The following IPP variants were observed in gnomAD, a reference collection of about 807,000 sequenced individuals.
The protein encoded by IPP is intracisternal A particle-promoted polypeptide.
In IPP, 41 loss-of-function variants were observed where a neutral mutation model predicts 64.1. That is an observed-to-expected ratio of 0.64 (90% CI 0.50 to 0.83). The LOEUF (loss-of-function observed/expected upper bound fraction) is 0.83, where lower values mean the gene tolerates loss of function less well. IPP is among the 40% of genes least tolerant of loss of function. The pLI, the probability that IPP is intolerant of heterozygous loss-of-function variation, is 0.00. For missense variants in IPP, 649 were observed against 703.0 expected (o/e 0.92, Z 0.87); for synonymous variants, 214 against 235.2 (o/e 0.91, Z 0.83).
chr1:45,746,660 C>G (rs933856995), intron 1 of IPP, among the ~76,000 whole-genome samples, 199 bp from the exon 2 acceptor site: 4 of 152,050 alleles, frequency 2.6e-5, no homozygotes, highest in African/African-American at 9.7e-5. Flanking sequence ...TTGGAGAATG[C>G]TTCACACAAG....
intron 7 of IPP, among the ~76,000 whole-genome samples, chr1:45,715,571 G>T (rs1645647308): frequency 6.6e-6 from 1 of 151,566 alleles, no homozygotes; most frequent in South Asian, 2.1e-4. Flanking sequence ...AACCCGGGAG[G>T]CAGAGCTTGC....
In IPP at chr1:45,740,975, T is replaced by C. The variant is rs778981073; in HGVS notation, c.650A>G (p.Lys217Arg). ...TGGGTCTAGCACTTCCACCACATGT[T>C]TTCTTCTTTTTCCCAAATCTTTCAG... ...WILKDLGKRRKHVVEVLDPIR... is the reference protein window; with the variant it reads ...WILKDLGKRRRHVVEVLDPIR... Residue 217 changes from lysine to arginine, a missense_variant, in exon 3 of 9, where the codon AAA (lysine) becomes AGA (arginine). Lys to Arg is a conservative substitution (Grantham distance 26, BLOSUM62 2). Coordinates refer to ENST00000396478, the MANE Select transcript of IPP (RefSeq NM_005897.3). 7.9e-5 allele frequency: 127 copies of C among 1,613,750 alleles called. No homozygotes were observed. Among genetic ancestry groups the C allele is most frequent in the Non-Finnish European group, 1.0e-4 (121 of 1,179,896 alleles).
intron 6 of IPP, 78 bp downstream of exon 6, chr1:45,719,125 C>T: frequency 1.5e-6 from 2 of 1,359,976 alleles, no homozygotes; most frequent in Non-Finnish European, 2.1e-6. Flanking sequence ...ATATATATAC[C>T]TATTATGTAT....
intron 8 of IPP, among the ~76,000 whole-genome samples, chr1:45,707,140 T>C (rs1205125240): frequency 2.0e-5 from 3 of 152,212 alleles, no homozygotes; most frequent in Non-Finnish European, 4.4e-5. Flanking sequence ...GAAAAGACTT[T>C]AGGCTGGGCA....
Position 45,746,397 on chromosome 1 carries a change from G to C in IPP, c.15C>G (p.Asp5Glu), listed in dbSNP as rs1339093895. 6.2e-7 allele frequency: 1 copy of C among 1,609,748 alleles called. No homozygotes were observed. Among genetic ancestry groups the C allele is most frequent in the Non-Finnish European group, 8.5e-7 (1 of 1,176,252 alleles). The part of the protein sequence containing the change: MANE[D>E]CPKAADSPFS... ...AAGGACTATCAGCAGCCTTGGGACAGTCCTCATTAGCCATGATGACGGTAG... is the reference window on the plus strand; with the variant it reads ...AAGGACTATCAGCAGCCTTGGGACACTCCTCATTAGCCATGATGACGGTAG... The change falls in exon 2 of 9, where the codon GAC (aspartate) becomes GAG (glutamate). Residue 5 changes from aspartate (D) to glutamate (E), a missense_variant. Asp to Glu is a conservative substitution (Grantham distance 45). Coordinates refer to ENST00000396478, the MANE Select transcript of IPP (RefSeq NM_005897.3).
At chr1:45,714,080 A>G (rs764883392) in intron 8 of IPP, among the ~76,000 whole-genome samples, 166 bp downstream of exon 8, 2 of 152,212 alleles carry the variant, frequency 1.3e-5, no homozygotes, top group African/African-American at 2.4e-5. Flanking sequence ...GAAAATTGAC[A>G]ATAGAAGAAA....
intron 8 of IPP, among the ~76,000 whole-genome samples, chr1:45,705,797 C>T (rs891807033): frequency 1.0e-4 from 15 of 148,678 alleles, no homozygotes. Flanking sequence ...CAGAGTGAGA[C>T]ATCGTCTCAA....
chr1:45,709,565 C>A (rs187043895), intron 8 of IPP, among the ~76,000 whole-genome samples: 1 of 151,382 alleles, frequency 6.6e-6, no homozygotes, highest in East Asian at 2.0e-4. Context: ...ACATTCTCAA[C>A]TGGGCACGGT....
chr1:45,699,712 G>A lies in IPP; in HGVS notation c.*254C>T. ...GGATCTCATTCTGTTGCCCAGAGTGGAGTGCAGTGGCATGATCGTAGCTTA... is the reference window on the plus strand; with the variant it reads ...GGATCTCATTCTGTTGCCCAGAGTGAAGTGCAGTGGCATGATCGTAGCTTA... On this transcript the variant is annotated 3_prime_UTR_variant, in exon 9 of 9. Coordinates refer to ENST00000396478, the MANE Select transcript of IPP (RefSeq NM_005897.3). The A allele has an allele frequency of 3.5e-6, 4 of 1,133,450 alleles. No individual in the cohort carries two copies. Among genetic ancestry groups the A allele is most frequent in the Non-Finnish European group, 4.5e-6 (4 of 882,404 alleles). 70.2% of individuals were successfully genotyped at this position (1,133,450 alleles called of 1,614,324 possible).
At chr1:45,707,885 A>G (rs992236939) in intron 8 of IPP, among the ~76,000 whole-genome samples, 2 of 152,124 alleles carry the variant, frequency 1.3e-5, no homozygotes, top group Non-Finnish European at 2.9e-5. Context: ...AACAAAAATA[A>G]CAAGGCACAT....
chr1:45,698,965 T>C lies in IPP; in HGVS notation c.*1001A>G, dbSNP rs1450892318. On this transcript the variant is annotated 3_prime_UTR_variant, in exon 9 of 9. Coordinates refer to ENST00000396478, the MANE Select transcript of IPP (RefSeq NM_005897.3). ...TCGAACTCCTGAGTTCAAGCCATCT[T>C]CCCGTCTCACCTCGGCCTCTCAAAG... The C allele has an allele frequency of 8.6e-6, 7 of 811,210 alleles. No homozygotes were observed. The highest frequency in any genetic ancestry group is 1.0e-5 in the Non-Finnish European group (7 of 671,096). The allele number at this position is 811,210 out of a possible 1,614,324, so 50.3% of individuals were successfully genotyped here.
At chr1:45,730,294 G>A (rs929561334) in intron 3 of IPP, among the ~76,000 whole-genome samples, 4 of 151,994 alleles carry the variant, frequency 2.6e-5, no homozygotes, top group African/African-American at 9.7e-5. Flanking sequence ...AGAGTTTGCA[G>A]TGAAGCAGGA....
At chr1:45,712,628 C>A (rs1645605550) in intron 8 of IPP, among the ~76,000 whole-genome samples, 1 of 151,652 alleles carries the variant, frequency 6.6e-6, no homozygotes, top group Non-Finnish European at 1.5e-5. Flanking sequence ...GAGGCCGAGG[C>A]AGGAAGATCA....
In IPP at chr1:45,737,691, C is replaced by T. The variant is rs151253100; in HGVS notation, c.724+3210G>A. Among the ~76,000 whole-genome samples the T allele has an allele frequency of 6.8e-3, 1,034 of 152,190 alleles. 11 individuals are homozygous for T. The highest frequency in any genetic ancestry group is 0.024 in the African/African-American group (995 of 41,522). ...CCCAGGCTGGTCTTGAACTCCTAGG[C>T]TCAAGTGATCTGCCCACCTCATCCT... On this transcript the variant is annotated intron_variant, in intron 3 of 8. Coordinates refer to ENST00000396478, the MANE Select transcript of IPP (RefSeq NM_005897.3).
At chr1:45,718,399 ATG>A (rs976815614) in intron 6 of IPP, among the ~76,000 whole-genome samples, 8 of 152,234 alleles carry the variant, frequency 5.3e-5, no homozygotes, top group Non-Finnish European at 1.2e-4. Context: ...CTGCAGAAGA[ATG>A]TGTGTGACTA....
At chr1:45,694,830 G>T (rs1431559507), downstream of IPP, 1 of 190,346 alleles carries the variant, frequency 5.3e-6, no homozygotes, top group Non-Finnish European at 1.1e-5. Flanking sequence ...ATATAAATTA[G>T]GAAAGAAAAG....
intron 8 of IPP, among the ~76,000 whole-genome samples, chr1:45,706,503 G>A (rs1319998168): frequency 6.6e-6 from 1 of 152,086 alleles, no homozygotes; most frequent in Non-Finnish European, 1.5e-5. Context: ...AGGCTGGAGT[G>A]CAATTGCGTG....
Position 45,699,328 on chromosome 1 carries a change from C to G in IPP, c.*638G>C. The G allele has an allele frequency of 3.0e-6, 3 of 985,356 alleles. No individual in the cohort carries two copies. The highest frequency in any genetic ancestry group is 3.6e-6 in the Non-Finnish European group (3 of 829,910). 61.0% of individuals were successfully genotyped at this position (985,356 alleles called of 1,614,324 possible). A position where few individuals can be genotyped will look rare whatever the true frequency, so the allele number is the denominator to read the frequency against. On this transcript the variant is annotated 3_prime_UTR_variant, in exon 9 of 9. Coordinates refer to ENST00000396478, the MANE Select transcript of IPP (RefSeq NM_005897.3). ...TCATTGGCTTTCTCTGTGGCTCAAA[C>G]TATGGCCATGGAAAATTATGCTCTG...
intron 3 of IPP, among the ~76,000 whole-genome samples, chr1:45,738,039 T>A (rs1646003359): frequency 6.6e-6 from 1 of 152,216 alleles, no homozygotes; most frequent in Non-Finnish European, 1.5e-5. Context: ...ATCATAGGTA[T>A]GTATTTATAG....
Sources: gnomAD v4.1 joint callset for allele counts (sites outside exome capture counted in the v4.1 genomes callset) on GRCh38, gnomAD v4.1.1 for gene constraint, MANE v1.5 for transcripts, NCBI Gene and HGNC (gene_info 2026-07-23, HGNC 2026-07-21) for gene names.